STAB2: variants seen among roughly 807,000 people sequenced by gnomAD.
The protein encoded by STAB2 is stabilin 2.
Under a neutral mutation model 338.1 loss-of-function variants are expected in STAB2, and 288 were observed. The ratio of observed to expected loss-of-function variants is 0.85; its 90% CI spans 0.77 to 0.94. The LOEUF (loss-of-function observed/expected upper bound fraction) is 0.94. STAB2 is among the 40% of genes least tolerant of loss of function. STAB2 has a pLI of 0.00. For missense variants in STAB2, 3,141 were observed against 3,210.1 expected (o/e 0.98, Z 0.52); for synonymous variants, 1,202 against 1,193.3 (o/e 1.01, Z -0.15).
chr12:103,654,991 G>T, intron 13 of STAB2: 1 of 548,510 alleles, frequency 1.8e-6, no homozygotes, highest in Admixed American at 3.6e-5. Context: ...ATATTTTATA[G>T]AGGGCAGTTA....
Position 103,675,931 on chromosome 12 carries a change from T to C in STAB2, c.2556T>C (p.Cys852=), listed in dbSNP as rs754206354. The C allele has an allele frequency of 1.7e-5, 28 of 1,610,946 alleles. No individual in the cohort carries two copies. The highest frequency in any genetic ancestry group is 2.0e-5 in the Non-Finnish European group (24 of 1,178,322). The change falls in exon 24 of 69, where the codon TGT becomes TGC. Residue 852 remains cysteine (C), a synonymous_variant. Transcript: ENST00000388887. ...TATTGCACACTCTCCTTTGCAGTTG[T>C]ATTTGCAAAGCAGGATATGAAGGAG... ...TCEYSNGTAS[C]ICKAGYEGDG...
chr12:103,596,463 C>T (rs558410752), intron 3 of STAB2, among the ~76,000 whole-genome samples: 1 of 152,178 alleles, frequency 6.6e-6, no homozygotes, highest in Non-Finnish European at 1.5e-5. Flanking sequence ...CCTTATTCTC[C>T]TCATCTGTCA....
At chr12:103,761,008 T>TACTC (rs3830514) in intron 65 of STAB2, among the ~76,000 whole-genome samples, 123,247 of 151,654 alleles carry the variant, frequency 0.81, 50,475 homozygotes, top group South Asian at 0.93. Flanking sequence ...GTTTGCTACT[T>TACTC]CCTGGGTGAT....
At chr12:103,691,225 G>A (rs924410366) in intron 30 of STAB2, among the ~76,000 whole-genome samples, 1 of 152,208 alleles carries the variant, frequency 6.6e-6, no homozygotes, top group Non-Finnish European at 1.5e-5. Flanking sequence ...AGATGAGAAT[G>A]AAGATTCCAC....
intron 60 of STAB2, among the ~76,000 whole-genome samples, chr12:103,752,564 G>T (rs1180396054): frequency 6.6e-6 from 1 of 152,306 alleles, no homozygotes; most frequent in African/African-American, 2.4e-5. Context: ...AGTATCTTAG[G>T]GGGAAATGAA....
chr12:103,708,506 G>A lies in STAB2; in HGVS notation c.4258G>A (p.Val1420Ile), dbSNP rs781778587. The change falls in exon 39 of 69, where the codon GTT becomes ATT. Residue 1420 changes from valine to isoleucine, a missense_variant. By Grantham distance (29) the Val-to-Ile change is conservative (BLOSUM62 3). Coordinates refer to ENST00000388887, the MANE Select transcript of STAB2 (RefSeq NM_017564.10). Reference sequence around the variant, plus strand: ...GGGAGATGGCTCCTGTGACTGTGATGTTGGCTGGCGAGGAGTGCATTGTGA... The same window carrying A: ...GGGAGATGGCTCCTGTGACTGTGATATTGGCTGGCGAGGAGTGCATTGTGA... ...PLGDGSCDCD[V>I]GWRGVHCDNA... The A allele has an allele frequency of 3.1e-6, 5 of 1,614,084 alleles. No individual in the cohort carries two copies. In the Admixed American group the frequency reaches 8.3e-5, roughly 27 times the overall value.
In STAB2 at chr12:103,738,556, TC is replaced by T. The variant is rs367848703; in HGVS notation, c.5697+779del. On this transcript the variant is annotated intron_variant, in intron 53 of 68. Coordinates refer to ENST00000388887, the MANE Select transcript of STAB2 (RefSeq NM_017564.10). ...CATCCCCTAGGAATTTCAATAACTA[TC>T]CCAAATTTTTTGGATCCCAGTCAGC... Among the ~76,000 whole-genome samples the T allele has an allele frequency of 2.3e-4, 35 of 152,290 alleles. No homozygotes were observed. The East Asian group carries it at 5.4e-3, about 24-fold the overall frequency.
At chr12:103,665,931 T>C (rs1285707553) in intron 18 of STAB2, among the ~76,000 whole-genome samples, 2 of 152,220 alleles carry the variant, frequency 1.3e-5, no homozygotes, top group South Asian at 2.1e-4. Flanking sequence ...ACTTCATCCC[T>C]AGCACAGGTC....
intron 25 of STAB2, among the ~76,000 whole-genome samples, chr12:103,682,845 G>C (rs1236172878): frequency 6.6e-6 from 1 of 152,196 alleles, no homozygotes; most frequent in African/African-American, 2.4e-5. Flanking sequence ...CTACTCAGGA[G>C]GCTGAGGCAG....
chr12:103,711,553 A>G (rs903515023), intron 40 of STAB2, 37 bp downstream of exon 40: 7 of 1,611,524 alleles, frequency 4.3e-6, no homozygotes, highest in African/African-American at 1.3e-5. Flanking sequence ...GACAGTGTAA[A>G]GGGGATTTTT....
chr12:103,647,109 G>A (rs1021971441), intron 9 of STAB2, among the ~76,000 whole-genome samples: 5 of 152,224 alleles, frequency 3.3e-5, no homozygotes, highest in Non-Finnish European at 7.3e-5. Flanking sequence ...AGGAGTCAGT[G>A]AGGGTTTTAA....
intron 2 of STAB2, 140 bp downstream of exon 2, chr12:103,591,170 C>A: frequency 8.8e-7 from 1 of 1,139,240 alleles, no homozygotes; most frequent in Non-Finnish European, 1.3e-6. Context: ...AATTTATGAA[C>A]TTAAGTCTAA....
At chr12:103,619,424 G>C (rs1479449786) in intron 3 of STAB2, among the ~76,000 whole-genome samples, 1 of 151,996 alleles carries the variant, frequency 6.6e-6, no homozygotes, top group African/African-American at 2.4e-5. Flanking sequence ...CATCACAATA[G>C]TACCTTAAAC....
chr12:103,669,515 A>G, intron 20 of STAB2, 26 bp from the exon 21 acceptor site: 1 of 1,602,014 alleles, frequency 6.2e-7, no homozygotes, highest in Non-Finnish European at 8.6e-7. Context: ...GGGGGTTCAA[A>G]GGGGAACACG....
At chr12:103,735,877 A>G (rs1253814622) in intron 52 of STAB2, among the ~76,000 whole-genome samples, 2 of 151,966 alleles carry the variant, frequency 1.3e-5, no homozygotes, top group African/African-American at 2.4e-5. Context: ...CCAATGTGAG[A>G]TACTTTCCTG....
chr12:103,715,435 C>T (rs1880230157), intron 42 of STAB2, among the ~76,000 whole-genome samples: 2 of 152,164 alleles, frequency 1.3e-5, no homozygotes, highest in Admixed American at 1.3e-4. Flanking sequence ...CTTCCCTGAA[C>T]CAATCTATAT....
intron 51 of STAB2, among the ~76,000 whole-genome samples, chr12:103,734,272 AGATCATATAGGAGCAAGCAC>A (rs1420750003): frequency 4.0e-4 from 56 of 141,018 alleles, no homozygotes; most frequent in African/African-American, 1.4e-3. Context: ...GGAGCAAGCA[AGATCATATAGGAGCAAGCAC>A]GATCATATAG....
At chr12:103,740,356 A>G (rs1458893706) in intron 54 of STAB2, among the ~76,000 whole-genome samples, 1 of 152,050 alleles carries the variant, frequency 6.6e-6, no homozygotes, top group African/African-American at 2.4e-5. Context: ...CAACCATGCC[A>G]CTTGCAGAGC....
intron 3 of STAB2, among the ~76,000 whole-genome samples, chr12:103,594,761 C>T (rs936106664): frequency 6.6e-6 from 1 of 152,108 alleles, no homozygotes; most frequent in African/African-American, 2.4e-5. Context: ...TGAAAGGATA[C>T]CCATTTTTAT....
Sources: allele counts gnomAD v4.1 joint callset (sites outside exome capture counted in the v4.1 genomes callset), GRCh38; gene constraint gnomAD v4.1.1; transcripts MANE v1.5; gene names NCBI Gene and HGNC (gene_info 2026-07-23, HGNC 2026-07-21).